The following URGCP variants were observed in gnomAD, a reference collection of about 807,000 sequenced individuals.
The protein encoded by URGCP is upregulator of cell proliferation.
URGCP carries 13 observed loss-of-function variants against 24.6 expected under a neutral mutation model. The ratio of observed to expected loss-of-function variants is 0.53; its 90% CI spans 0.34 to 0.84. The LOEUF (loss-of-function observed/expected upper bound fraction) is 0.84, where lower values mean the gene tolerates loss of function less well. Among genes scored for constraint, URGCP ranks in the 40% least tolerant of loss-of-function variants. The pLI is 0.01. For missense variants in URGCP, 899 were observed against 1,194.3 expected (o/e 0.75, Z 3.64); for synonymous variants, 444 against 487.2 (o/e 0.91, Z 1.17).
Position 43,876,700 on chromosome 7 carries a change from G to A in URGCP, c.2763C>T (p.Ile921=). 1 of 1,614,218 alleles carries A rather than the reference G, an allele frequency of 6.2e-7. No homozygotes were observed. The highest frequency in any genetic ancestry group is 8.5e-7 in the Non-Finnish European group (1 of 1,180,048). The change falls in exon 6 of 6, where the codon ATC becomes ATT. Residue 921 remains isoleucine, a synonymous_variant. Transcript: ENST00000453200. ...RNGLSNQNKN[I]QQLIELVRRL ...GTCTCACCAGCTCAATGAGCTGCTGGATGTTTTTGTTTTGGTTCGACAAGC... is the reference window on the plus strand; with the variant it reads ...GTCTCACCAGCTCAATGAGCTGCTGAATGTTTTTGTTTTGGTTCGACAAGC...
chr7:43,895,756 TACAGCC>T, intron 1 of URGCP, among the ~76,000 whole-genome samples: 1 of 152,340 alleles, frequency 6.6e-6, no homozygotes, highest in East Asian at 1.9e-4. Flanking sequence ...TGTAAGTTAG[TACAGCC>T]TTTATGGAAA....
intron 1 of URGCP, among the ~76,000 whole-genome samples, chr7:43,905,288 C>A (rs1352356559): frequency 6.6e-6 from 1 of 151,814 alleles, no homozygotes; most frequent in Admixed American, 6.6e-5. Context: ...CCACCCTTTC[C>A]TGACAAGGGG....
Position 43,890,237 on chromosome 7 carries a change from CAG to C in URGCP, c.15-2423_15-2422del, listed in dbSNP as rs1475723799. Among the ~76,000 whole-genome samples the C allele has an allele frequency of 2.6e-4, 27 of 102,752 alleles. 1 individual carries two copies. The Admixed American group carries it at 2.7e-3, about 10-fold the overall frequency. 67.4% of individuals were successfully genotyped at this position (102,752 alleles called of 152,430 possible). Reference sequence around the variant, plus strand: ...ACTTTTTTTTTTTTTTTTTTTGAGACAGAGTCTCGCTCTGTTGCCCAGGCTGG... The same window carrying C: ...ACTTTTTTTTTTTTTTTTTTTGAGACAGTCTCGCTCTGTTGCCCAGGCTGG... On this transcript the variant is annotated intron_variant, in intron 1 of 5. Coordinates refer to ENST00000453200, the MANE Select transcript of URGCP (RefSeq NM_001077663.3).
chr7:43,913,227 G>C (rs2095912018), intron 1 of URGCP, among the ~76,000 whole-genome samples: 4 of 152,028 alleles, frequency 2.6e-5, no homozygotes, highest in Admixed American at 1.3e-4. Context: ...TTTGTTTTTT[G>C]AGACGGAGTC....
At chr7:43,924,044 A>AT (rs1212547496) in intron 1 of URGCP, among the ~76,000 whole-genome samples, 1 of 151,590 alleles carries the variant, frequency 6.6e-6, no homozygotes, top group Non-Finnish European at 1.5e-5. Context: ...TAAATTTTGT[A>AT]TTTTTTGTAG....
chr7:43,879,717 C>T (rs2095851029), intron 5 of URGCP: 1 of 156,320 alleles, frequency 6.4e-6, no homozygotes, highest in Non-Finnish European at 1.4e-5. Flanking sequence ...CGGGAAGTTC[C>T]CACAGGAGTC....
chr7:43,902,217 C>T (rs1219683945), intron 1 of URGCP, among the ~76,000 whole-genome samples: 1 of 151,912 alleles, frequency 6.6e-6, no homozygotes, highest in Non-Finnish European at 1.5e-5. Context: ...GTGCGTGTGC[C>T]CTCCTTCCTC....
In URGCP at chr7:43,878,025, T is replaced by C; in HGVS notation, c.1438A>G (p.Thr480Ala). 6.2e-7 allele frequency: 1 copy of C among 1,614,230 alleles called. No individual in the cohort carries two copies. Among genetic ancestry groups the C allele is most frequent in the South Asian group, 1.1e-5 (1 of 91,084 alleles). Reference protein sequence around the residue: ...QKAKDRMERITRKIKDSDAYR... With the variant: ...QKAKDRMERIARKIKDSDAYR... ...GCATCCGAGTCTTTGATTTTCCTGG[T>C]AATCCTCTCCATCCGGTCTTTCGCT... Residue 480 changes from threonine to alanine, a missense_variant, in exon 6 of 6, where the codon ACC (threonine) becomes GCC (alanine). Thr to Ala is a moderately conservative substitution (Grantham distance 58). Transcript: ENST00000453200. This position sits in a 1 kb window ranked among gnomAD's most constrained non-coding sequence, Gnocchi z 5.6.
intron 1 of URGCP, among the ~76,000 whole-genome samples, chr7:43,920,456 A>T (rs186579265): frequency 3.9e-5 from 6 of 152,292 alleles, no homozygotes; most frequent in African/African-American, 1.4e-4. Context: ...CTAGCTACTC[A>T]GTAGGCTGAG....
chr7:43,890,695 G>T (rs980384440), intron 1 of URGCP, among the ~76,000 whole-genome samples: 1 of 152,136 alleles, frequency 6.6e-6, no homozygotes, highest in African/African-American at 2.4e-5. Context: ...ATCTCTCCAG[G>T]GCAGGGGTGA....
intron 1 of URGCP, among the ~76,000 whole-genome samples, chr7:43,894,434 C>T (rs2095875436): frequency 6.6e-6 from 1 of 152,274 alleles, no homozygotes; most frequent in African/African-American, 2.4e-5. Flanking sequence ...CTGTAACCTC[C>T]ACCACCAGGG....
chr7:43,877,708 A>G lies in URGCP; in HGVS notation c.1755T>C (p.Pro585=), dbSNP rs2095847251. The stretch of plus-strand genomic sequence containing the variant: ...GTCTCAGGGTGAGAAGCGTCTCCGG[A>G]GGCTGTCTCAGTCGCGGCTGGGCCA... ...ARVAQPRLRQ[P]PETLLTLRPK... is the part of the protein sequence containing the mutation. The change falls in exon 6 of 6, where the codon CCT becomes CCC. Residue 585 remains proline (P), a synonymous_variant. Transcript: ENST00000453200. 2 of 1,613,236 alleles carry G rather than the reference A, an allele frequency of 1.2e-6. No individual in the cohort carries two copies. Among genetic ancestry groups the G allele is most frequent in the Non-Finnish European group, 1.7e-6 (2 of 1,179,750 alleles).
At chr7:43,888,182 TATG>T (rs2095864867) in intron 1 of URGCP, 1 of 183,086 alleles carries the variant, frequency 5.5e-6, no homozygotes, top group Admixed American at 6.1e-5. Context: ...TTTAAATAGC[TATG>T]ATAAGTGCAG....
At chr7:43,920,586 T>A (rs73110218) in intron 1 of URGCP, among the ~76,000 whole-genome samples, 11,213 of 152,266 alleles carry the variant, frequency 0.074, 537 homozygotes, top group African/African-American at 0.13. Context: ...AAAGTGGATA[T>A]TTTTAAAACC....
intron 1 of URGCP, among the ~76,000 whole-genome samples, chr7:43,894,729 C>T (rs1294528470): frequency 1.3e-5 from 2 of 152,024 alleles, no homozygotes; most frequent in African/African-American, 4.8e-5. Flanking sequence ...AACTAGAAAT[C>T]AATAATGAGA....
chr7:43,878,567 T>C lies in URGCP; in HGVS notation c.896A>G (p.Asn299Ser), dbSNP rs1045989373. ...AATCTCCCGGGCATTGGTGCCCAAGTTGAGGTCCCGATGCCAGAAGCAGTC... is the reference window on the plus strand; with the variant it reads ...AATCTCCCGGGCATTGGTGCCCAAGCTGAGGTCCCGATGCCAGAAGCAGTC... ...QWDCFWHRDL[N>S]LGTNAREISD... is the part of the protein sequence containing the mutation. The change falls in exon 6 of 6, where the codon AAC becomes AGC. Residue 299 changes from asparagine (N) to serine (S), a missense_variant. By Grantham distance (46) the Asn-to-Ser change is conservative. Transcript: ENST00000453200. The surrounding 1 kb of genome is among the most constrained non-coding windows in gnomAD (Gnocchi z 5.6). The C allele has an allele frequency of 6.2e-7, 1 of 1,614,148 alleles. No individual in the cohort carries two copies. Among genetic ancestry groups the C allele is most frequent in the Admixed American group, 1.7e-5 (1 of 60,026 alleles).
intron 1 of URGCP, among the ~76,000 whole-genome samples, chr7:43,899,828 T>C (rs966231507): frequency 1.3e-5 from 2 of 152,182 alleles, no homozygotes; most frequent in Non-Finnish European, 2.9e-5. Flanking sequence ...AAAGAAAGTA[T>C]TAGAGACCCT....
chr7:43,906,601 C>T (rs753858156), upstream of URGCP: 1 of 1,213,312 alleles, frequency 8.2e-7, no homozygotes, highest in South Asian at 3.0e-5. Flanking sequence ...TCCGCTCCCG[C>T]CTCCTTCGCT....
At chr7:43,912,617 T>C (rs552714953) in intron 1 of URGCP, among the ~76,000 whole-genome samples, 1 of 148,218 alleles carries the variant, frequency 6.7e-6, no homozygotes, top group Non-Finnish European at 1.5e-5. Context: ...ACCATCGAGA[T>C]TTTGATAGGG....
Sources: allele counts gnomAD v4.1 joint callset (sites outside exome capture counted in the v4.1 genomes callset), GRCh38; gene constraint gnomAD v4.1.1; non-coding constraint Gnocchi (gnomAD v3.1); transcripts MANE v1.5; gene names NCBI Gene and HGNC (gene_info 2026-07-23, HGNC 2026-07-21).